The following IL16 variants were observed in gnomAD, a reference collection of about 807,000 sequenced individuals.
The protein encoded by IL16 is interleukin 16, also known as pro-interleukin-16.
A neutral mutation model predicts 110.1 loss-of-function variants in IL16; 67 were observed. That is an observed-to-expected ratio of 0.61 (90% confidence interval 0.50 to 0.75). The LOEUF is 0.75. Ranked by LOEUF, IL16 falls within the 30% of genes least tolerant of loss-of-function variation. IL16 has a pLI of 0.00. For synonymous variants in IL16, 689 were observed against 662.9 expected, an observed-to-expected ratio of 1.04 and a Z score of -0.61; for missense variants, 1,545 against 1,655.0, an observed-to-expected ratio of 0.93 and a Z score of 1.15.
At chr15:81,250,225 A>G (rs1897719671) in intron 2 of IL16, among the ~76,000 whole-genome samples, 3 of 152,182 alleles carry the variant, frequency 2.0e-5, no homozygotes, top group Admixed American at 2.0e-4. Context: ...GTTGGAGTGC[A>G]GTGACGTGAT....
At chr15:81,281,741 C>G (rs1899190909) in intron 8 of IL16, among the ~76,000 whole-genome samples, 1 of 152,256 alleles carries the variant, frequency 6.6e-6, no homozygotes, top group African/African-American at 2.4e-5. Context: ...AAACAGATCT[C>G]CAAGTTATTT....
At chr15:81,282,029 G>T (rs1445703317) in intron 8 of IL16, among the ~76,000 whole-genome samples, 1 of 152,178 alleles carries the variant, frequency 6.6e-6, no homozygotes, top group Non-Finnish European at 1.5e-5. Context: ...TCTCAGTAGA[G>T]AATAAACCCG....
In IL16 at chr15:81,269,662, G is replaced by A. The variant is rs1267887843; in HGVS notation, c.675+14G>A. ...GGCCAGGCTAAGGTGAGAAGGGATT[G>A]TGGCCAACAGGAAGTCCTGGGGGGC... On this transcript the variant is annotated intron_variant, in intron 5 of 18. Transcript: ENST00000683961. 1 of 1,586,448 alleles carries A rather than the reference G, an allele frequency of 6.3e-7. No individual in the cohort carries two copies. Among genetic ancestry groups the A allele is most frequent in the East Asian group, 2.2e-5 (1 of 44,756 alleles).
In IL16 at chr15:81,269,628, C is replaced by G; in HGVS notation, c.655C>G (p.Leu219Val). 6.2e-7 allele frequency: 1 copy of G among 1,612,872 alleles called. No homozygotes were observed. Among genetic ancestry groups the G allele is most frequent in the Middle Eastern group, 1.7e-4 (1 of 5,974 alleles). ...GGCTTCAGTCATCTCCAACATCGTG[C>G]TGATGAAGGGCCAGGCTAAGGTGAG... is the stretch of plus-strand genomic sequence containing the variant. ...LQASVISNIVLMKGQAKGLGF... is the reference protein window; with the variant it reads ...LQASVISNIVVMKGQAKGLGF... Residue 219 changes from leucine to valine, a missense_variant, in exon 5 of 19, where the codon CTG becomes GTG. By Grantham distance (32) the Leu-to-Val change is conservative. Coordinates refer to ENST00000683961, the MANE Select transcript of IL16 (RefSeq NM_172217.5).
chr15:81,277,436 A>T (rs1399768952), intron 6 of IL16, among the ~76,000 whole-genome samples: 1 of 152,012 alleles, frequency 6.6e-6, no homozygotes, highest in African/African-American at 2.4e-5. Flanking sequence ...AGGAAAAAGA[A>T]ATCTTTTCTT....
At chr15:81,302,727 A>C (rs1160239863) in intron 15 of IL16, among the ~76,000 whole-genome samples, 1 of 152,236 alleles carries the variant, frequency 6.6e-6, no homozygotes, top group East Asian at 1.9e-4. Flanking sequence ...TGATGAAAAA[A>C]ATATTGAATT....
At chr15:81,288,610 T>A (rs1454277423) in intron 10 of IL16, among the ~76,000 whole-genome samples, 1 of 152,190 alleles carries the variant, frequency 6.6e-6, no homozygotes, top group African/African-American at 2.4e-5. Context: ...GTTAAACAAG[T>A]CCCTATGTTC....
At position 81,297,045 on chromosome 15, in the gene IL16, G is replaced by A. The variant is rs1212864818; in HGVS notation, c.2020G>A (p.Glu674Lys). 2 of 1,613,934 alleles carry A rather than the reference G, an allele frequency of 1.2e-6. No homozygotes were observed. Among genetic ancestry groups the A allele is most frequent in the South Asian group, 1.1e-5 (1 of 91,074 alleles). The change falls in exon 13 of 19, where the codon GAG becomes AAG. Residue 674 changes from glutamate (E) to lysine (K), a missense_variant. Glu to Lys is a moderately conservative substitution (Grantham distance 56). Around this residue, in one of 3 missense-constraint regions of IL16, gnomAD observed 1,185 missense variants for 1,238.8 expected, o/e 0.96. Transcript: ENST00000683961. ...GIGPQTKSSTEGEPGWRRASP... is the reference protein window; with the variant it reads ...GIGPQTKSSTKGEPGWRRASP... Reference sequence around the variant, plus strand: ...CGGCCCACAGACCAAGTCCTCCACAGAGGGCGAGCCAGGGTGGAGAAGAGC... The same window carrying A: ...CGGCCCACAGACCAAGTCCTCCACAAAGGGCGAGCCAGGGTGGAGAAGAGC...
In IL16 at chr15:81,301,356, G is replaced by A. The variant is rs770748595; in HGVS notation, c.3162G>A (p.Leu1054=). ...CTCCTTATGAAAGCCTTTCAGAGCT[G>A]AGAGAATATACAGAGGGTCTCACGG... ...DTGFSLNLSE[L]REYTEGLTEA... The change falls in exon 15 of 19, where the codon CTG becomes CTA. Residue 1054 remains leucine, a synonymous_variant. Transcript: ENST00000683961. 21 of 1,604,512 alleles carry A rather than the reference G, an allele frequency of 1.3e-5. No individual in the cohort carries two copies. Among genetic ancestry groups the A allele is most frequent in the Non-Finnish European group, 1.8e-5 (21 of 1,177,612 alleles).
chr15:81,217,944 G>A (rs1454964912), intron 1 of IL16, among the ~76,000 whole-genome samples: 1 of 152,034 alleles, frequency 6.6e-6, no homozygotes, highest in African/African-American at 2.4e-5. Context: ...AAACACTGCA[G>A]GAATTTCCAT....
chr15:81,241,335 A>G (rs1897328864), intron 2 of IL16, among the ~76,000 whole-genome samples: 1 of 152,032 alleles, frequency 6.6e-6, no homozygotes, highest in Non-Finnish European at 1.5e-5. Context: ...AAAAAAAAAG[A>G]CTTGAAAGTT....
intron 6 of IL16, among the ~76,000 whole-genome samples, chr15:81,273,735 C>G (rs554911097): frequency 7.2e-5 from 11 of 152,258 alleles, no homozygotes; most frequent in East Asian, 3.9e-4. Context: ...AACAATCAGG[C>G]ATGATTCCTG....
chr15:81,269,707 C>A, intron 5 of IL16, 59 bp downstream of exon 5: 1 of 1,230,744 alleles, frequency 8.1e-7, no homozygotes, highest in Non-Finnish European at 1.2e-6. Flanking sequence ...CTCCAAGGAG[C>A]TGCTGTGTCC....
At chr15:81,213,857 C>T (rs1332764904) in intron 1 of IL16, among the ~76,000 whole-genome samples, 3 of 152,110 alleles carry the variant, frequency 2.0e-5, no homozygotes, top group African/African-American at 4.8e-5. Context: ...TAAGTGGGAA[C>T]ATTTAGTCCA....
intron 8 of IL16, among the ~76,000 whole-genome samples, chr15:81,280,762 T>C (rs1345911703): frequency 6.6e-6 from 1 of 152,234 alleles, no homozygotes; most frequent in East Asian, 1.9e-4. Context: ...CAGATGCCTC[T>C]GTATGCCTGC....
chr15:81,227,393 G>C (rs1377559583), intron 2 of IL16, among the ~76,000 whole-genome samples: 1 of 152,148 alleles, frequency 6.6e-6, no homozygotes, highest in Non-Finnish European at 1.5e-5. Flanking sequence ...CTAAAGATGT[G>C]ACATTTTGGC....
At chr15:81,259,908 G>C in intron 3 of IL16, 28 bp downstream of exon 3, 1 of 1,376,170 alleles carries the variant, frequency 7.3e-7, no homozygotes, top group Non-Finnish European at 1.0e-6. Flanking sequence ...ATGTCTTCAG[G>C]AACAGAGCTC....
chr15:81,268,597 A>G (rs1898496350), intron 4 of IL16, among the ~76,000 whole-genome samples: 1 of 152,270 alleles, frequency 6.6e-6, no homozygotes, highest in Non-Finnish European at 1.5e-5. Context: ...CCGATATCAG[A>G]GAGCAGGGAG....
intron 9 of IL16, among the ~76,000 whole-genome samples, chr15:81,283,994 C>A (rs28742996): frequency 0.024 from 3,407 of 140,362 alleles, 122 homozygotes; most frequent in African/African-American, 0.08. Context: ...CAGAGCAAGA[C>A]CCTGTCTCAG....
Sources: allele counts gnomAD v4.1 joint callset (sites outside exome capture counted in the v4.1 genomes callset), GRCh38; gene constraint gnomAD v4.1.1; regional missense constraint gnomAD v4.1.1; transcripts MANE v1.5; gene names NCBI Gene and HGNC (gene_info 2026-07-23, HGNC 2026-07-21).